CNOT8: variants seen among roughly 807,000 people sequenced by gnomAD.
CNOT8 encodes the protein CCR4-NOT transcription complex subunit 8.
A neutral mutation model predicts 34.6 loss-of-function variants in CNOT8; 18 were observed. The ratio of observed to expected loss-of-function variants is 0.52; its 90% CI spans 0.36 to 0.77. CNOT8 has a LOEUF of 0.77. Ranked by LOEUF, CNOT8 falls within the 30% of genes least tolerant of loss-of-function variation. The probability of loss-of-function intolerance (pLI) is 0.00; values close to 1 mark genes in which losing one functional copy is unlikely to be tolerated. For synonymous variants in CNOT8, 101 were observed against 118.8 expected, an observed-to-expected ratio of 0.85 and a Z score of 0.98; for missense variants, 189 against 347.9, an observed-to-expected ratio of 0.54 and a Z score of 3.63.
rs141330783 is a variant in CNOT8, at chr5:154,862,123, G to A, written c.-72-1084G>A. ...TTTCCCCTCCCTGATTTTTCTCCTG[G>A]AAAATACACCATGAATCATTCTGTT... On this transcript the variant is annotated intron_variant, in intron 1 of 6. Coordinates refer to ENST00000285896, the MANE Select transcript of CNOT8 (RefSeq NM_001301073.2). 4.8e-3 allele frequency among the ~76,000 whole-genome samples: 735 copies of A among 152,160 alleles called. 7 individuals carry two copies. The highest frequency in any genetic ancestry group is 0.017 in the African/African-American group (690 of 41,492).
Position 154,875,424 on chromosome 5 carries a change from C to G in CNOT8, c.864C>G (p.Asn288Lys). The change falls in exon 7 of 7, where the codon AAC (asparagine) becomes AAG (lysine). Residue 288 changes from asparagine to lysine, a missense_variant. This residue lies in a region of CNOT8 where 29 missense variants were observed against 26.1 expected (regional missense o/e 1.11). Transcript: ENST00000285896. ...AGATGAGCATCCTGGCGATTATCAA[C>G]AACATGCAGCAGTGATGGCGCCAGG... Reference protein sequence around the residue: ...QEKMSILAIINNMQQ With the variant: ...QEKMSILAIIKNMQQ The G allele has an allele frequency of 6.2e-7, 1 of 1,613,776 alleles. No individual in the cohort carries two copies. The highest frequency in any genetic ancestry group is 1.3e-5 in the African/African-American group (1 of 75,032).
chr5:154,873,939 TC>T (rs1299346928), intron 6 of CNOT8, among the ~76,000 whole-genome samples: 3 of 152,094 alleles, frequency 2.0e-5, no homozygotes, highest in African/African-American at 7.2e-5. Flanking sequence ...CTGGACAAGT[TC>T]CCCCAAATAA....
chr5:154,867,061 T>A (rs981483163), intron 3 of CNOT8, among the ~76,000 whole-genome samples: 4 of 152,252 alleles, frequency 2.6e-5, no homozygotes, highest in African/African-American at 9.6e-5. Flanking sequence ...TTGCAGTGGT[T>A]TTCTTATTGT....
chr5:154,876,412 T>C lies in CNOT8; in HGVS notation c.*973T>C, dbSNP rs903718771. 1 of 152,220 alleles carries C rather than the reference T, an allele frequency of 6.6e-6. No homozygotes were observed. Among genetic ancestry groups the C allele is most frequent in the African/African-American group, 2.4e-5 (1 of 41,456 alleles). The allele number at this position is 152,220 out of a possible 1,614,324, so 9.4% of individuals were successfully genotyped here. A position where few individuals can be genotyped will look rare whatever the true frequency, so the allele number is the denominator to read the frequency against. The stretch of plus-strand genomic sequence containing the variant: ...AATGTGAGTAACAGGAATGTGTCTT[T>C]AAAAAGCTAGAGTGGTTACATTTAA... On this transcript the variant is annotated 3_prime_UTR_variant, in exon 7 of 7. Coordinates refer to ENST00000285896, the MANE Select transcript of CNOT8 (RefSeq NM_001301073.2).
At chr5:154,872,343 C>A (rs1762564222) in intron 5 of CNOT8, among the ~76,000 whole-genome samples, 198 bp from the exon 6 acceptor site, 1 of 152,002 alleles carries the variant, frequency 6.6e-6, no homozygotes, top group East Asian at 1.9e-4. Flanking sequence ...TGGAAAGGAG[C>A]AAAATGTAGG....
chr5:154,858,412 T>G (rs1288611017), upstream of CNOT8: 2 of 152,250 alleles, frequency 1.3e-5, no homozygotes, highest in Non-Finnish European at 2.9e-5. Flanking sequence ...TGCGCGCTGC[T>G]TCCCGCGACC....
At chr5:154,868,715 A>G (rs146278719) in intron 3 of CNOT8, among the ~76,000 whole-genome samples, 258 of 152,280 alleles carry the variant, frequency 1.7e-3, no homozygotes, top group African/African-American at 5.7e-3. Flanking sequence ...GCTCAGTGTC[A>G]CAGACGGTGG....
chr5:154,862,339 G>A (rs1019902972), intron 1 of CNOT8, among the ~76,000 whole-genome samples: 1 of 152,048 alleles, frequency 6.6e-6, no homozygotes, highest in Non-Finnish European at 1.5e-5. Context: ...GCGTGGTGGC[G>A]TGCACCTATA....
At chr5:154,864,850 G>A (rs111328173) in intron 2 of CNOT8, among the ~76,000 whole-genome samples, 72 of 152,178 alleles carry the variant, frequency 4.7e-4, no homozygotes, top group African/African-American at 1.6e-3. Flanking sequence ...GACCAGCCTG[G>A]GCAACATGGT....
Position 154,875,539 on chromosome 5 carries a change from A to G in CNOT8, c.*100A>G. 3 of 1,283,496 alleles carry G rather than the reference A, an allele frequency of 2.3e-6. No homozygotes were observed. Among genetic ancestry groups the G allele is most frequent in the Non-Finnish European group, 3.2e-6 (3 of 936,188 alleles). The allele number at this position is 1,283,496 out of a possible 1,614,324, so 79.5% of individuals were successfully genotyped here. On this transcript the variant is annotated 3_prime_UTR_variant, in exon 7 of 7. Coordinates refer to ENST00000285896, the MANE Select transcript of CNOT8 (RefSeq NM_001301073.2). ...AAGAGAAAATGCTTCTTTTGAGCAC[A>G]CTGTACCTACCATCTGCATTGAGCA...
At chr5:154,873,833 A>G (rs752981428) in intron 6 of CNOT8, among the ~76,000 whole-genome samples, 4 of 152,126 alleles carry the variant, frequency 2.6e-5, no homozygotes, top group Non-Finnish European at 5.9e-5. Flanking sequence ...TGGAGGGTAC[A>G]TTTGTTAATA....
chr5:154,874,374 C>G (rs544202395), intron 6 of CNOT8, among the ~76,000 whole-genome samples: 1 of 151,720 alleles, frequency 6.6e-6, no homozygotes, highest in Non-Finnish European at 1.5e-5. Context: ...GTCAGGAGTT[C>G]GAGACCAGCC....
rs758157828 is a variant in CNOT8, at chr5:154,863,258, G to T, written c.-21G>T. The T allele has an allele frequency of 6.4e-7, 1 of 1,571,828 alleles. No homozygotes were observed. Among genetic ancestry groups the T allele is most frequent in the South Asian group, 1.1e-5 (1 of 90,230 alleles). On this transcript the variant is annotated 5_prime_UTR_variant, in exon 2 of 7. Coordinates refer to ENST00000285896, the MANE Select transcript of CNOT8 (RefSeq NM_001301073.2). ...ACTGTAAAACTAGTTAGCTGAAGAC[G>T]ACTTCTCAGGTTTCTTCAGGATGCC... is the stretch of plus-strand genomic sequence containing the variant.
At chr5:154,868,663 T>C (rs772272759) in intron 3 of CNOT8, among the ~76,000 whole-genome samples, 74 of 152,232 alleles carry the variant, frequency 4.9e-4, no homozygotes, top group Non-Finnish European at 5.0e-4. Flanking sequence ...CACTTCTTTC[T>C]CCCACTCCTT....
At chr5:154,868,258 CTTTTCTTTTCTTTTTTT>C (rs1271274913) in intron 3 of CNOT8, among the ~76,000 whole-genome samples, 1 of 134,312 alleles carries the variant, frequency 7.4e-6, no homozygotes, top group African/African-American at 2.8e-5. Flanking sequence ...TTTTCTTTTT[CTTTTCTTTTCTTTTTTT>C]TTTTTTTTTT....
chr5:154,871,666 A>G, intron 4 of CNOT8, 64 bp from the exon 5 acceptor site: 2 of 1,502,110 alleles, frequency 1.3e-6, no homozygotes, highest in Non-Finnish European at 1.8e-6. Flanking sequence ...GAGAAATAAA[A>G]TGGTTGAACA....
intron 3 of CNOT8, among the ~76,000 whole-genome samples, chr5:154,870,078 C>G (rs1168971509): frequency 6.6e-6 from 1 of 152,076 alleles, no homozygotes; most frequent in African/African-American, 2.4e-5. Context: ...ATTTTTGAGA[C>G]AGGATCTTGC....
intron 6 of CNOT8, 141 bp downstream of exon 6, chr5:154,872,792 G>A: frequency 2.9e-6 from 1 of 342,142 alleles, no homozygotes; most frequent in Non-Finnish European, 5.1e-6. Context: ...TTTTTGAGAT[G>A]AAGCCTTGCT....
chr5:154,875,550 C>T lies in CNOT8; in HGVS notation c.*111C>T. On this transcript the variant is annotated 3_prime_UTR_variant, in exon 7 of 7. Coordinates refer to ENST00000285896, the MANE Select transcript of CNOT8 (RefSeq NM_001301073.2). ...CTTCTTTTGAGCACACTGTACCTAC[C>T]ATCTGCATTGAGCAGAAAGACTTTT... The T allele has an allele frequency of 2.6e-6, 3 of 1,163,824 alleles. No individual in the cohort carries two copies. Among genetic ancestry groups the T allele is most frequent in the South Asian group, 3.1e-5 (2 of 63,834 alleles). The allele number at this position is 1,163,824 out of a possible 1,614,324, so 72.1% of individuals were successfully genotyped here. A position where few individuals can be genotyped will look rare whatever the true frequency, so the allele number is the denominator to read the frequency against.
Sources: allele counts gnomAD v4.1 joint callset (sites outside exome capture counted in the v4.1 genomes callset), GRCh38; gene constraint gnomAD v4.1.1; regional missense constraint gnomAD v4.1.1; transcripts MANE v1.5; gene names NCBI Gene and HGNC (gene_info 2026-07-23, HGNC 2026-07-21).